Variants in TAFA1 observed in about 807,000 individuals in gnomAD.
TAFA1 encodes the protein TAFA chemokine like family member 1.
TAFA1 carries 4 observed loss-of-function variants against 18.5 expected under a neutral mutation model. The ratio of observed to expected loss-of-function variants is 0.22; its 90% CI spans 0.11 to 0.49. The LOEUF is 0.49. Ranked by LOEUF, TAFA1 falls within the 20% of genes least tolerant of loss-of-function variation. TAFA1 has a pLI of 0.98. For synonymous variants in TAFA1, 56 were observed against 55.2 expected (o/e 1.01, Z -0.06); for missense variants, 147 against 169.0 (o/e 0.87, Z 0.72).
At chr3:68,000,695 G>C (rs1355490032), upstream of TAFA1, among the ~76,000 whole-genome samples, 1 of 152,224 alleles carries the variant, frequency 6.6e-6, no homozygotes, top group Non-Finnish European at 1.5e-5. Flanking sequence ...GGGAGACACA[G>C]GTGGGAGGTA....
intron 2 of TAFA1, among the ~76,000 whole-genome samples, chr3:68,120,599 G>A (rs750993053): frequency 2.0e-5 from 3 of 152,164 alleles, no homozygotes; most frequent in Non-Finnish European, 4.4e-5. Context: ...GGGTTACAGA[G>A]ATGATACAGC....
chr3:68,109,427 A>C (rs1465738869), intron 2 of TAFA1, among the ~76,000 whole-genome samples: 1 of 152,154 alleles, frequency 6.6e-6, no homozygotes, highest in Non-Finnish European at 1.5e-5. Context: ...TACTTCTTTA[A>C]ATTGGAAAAA....
At chr3:68,009,589 C>G (rs1704430589) in intron 2 of TAFA1, among the ~76,000 whole-genome samples, 1 of 152,078 alleles carries the variant, frequency 6.6e-6, no homozygotes, top group African/African-American at 2.4e-5. Flanking sequence ...ATATCCCTTC[C>G]TAGATGCAGA....
At chr3:68,525,088 A>T (rs2073088328) in intron 3 of TAFA1, among the ~76,000 whole-genome samples, 1 of 152,216 alleles carries the variant, frequency 6.6e-6, no homozygotes. Flanking sequence ...AAGGCAGTAG[A>T]ACTAAGATGT....
intron 2 of TAFA1, among the ~76,000 whole-genome samples, chr3:68,118,678 C>G (rs141787073): frequency 6.6e-6 from 1 of 152,308 alleles, no homozygotes; most frequent in Non-Finnish European, 1.5e-5. Flanking sequence ...ACTCAAGATT[C>G]ATCCATGTTG....
chr3:68,329,845 C>T (rs779906543), intron 2 of TAFA1, among the ~76,000 whole-genome samples: 2 of 152,080 alleles, frequency 1.3e-5, no homozygotes, highest in African/African-American at 4.8e-5. Flanking sequence ...GGTTTTCATA[C>T]CTTATTAATT....
At chr3:68,007,299 A>C (rs1445900911) in intron 2 of TAFA1, among the ~76,000 whole-genome samples, 2 of 152,000 alleles carry the variant, frequency 1.3e-5, no homozygotes, top group African/African-American at 2.4e-5. Context: ...AGTTTCAGGG[A>C]CGAAGTCCCT....
At chr3:68,063,133 T>A (rs972941084) in intron 2 of TAFA1, among the ~76,000 whole-genome samples, 1 of 152,220 alleles carries the variant, frequency 6.6e-6, no homozygotes, top group Non-Finnish European at 1.5e-5. Flanking sequence ...GTTCGAAATC[T>A]GGGTTTTTAT....
intron 2 of TAFA1, among the ~76,000 whole-genome samples, chr3:68,221,332 G>A (rs1025589107): frequency 9.9e-5 from 15 of 152,112 alleles, no homozygotes; most frequent in African/African-American, 3.6e-4. Context: ...CTAAAAAGGG[G>A]GGGATGGGTT....
intron 3 of TAFA1, among the ~76,000 whole-genome samples, chr3:68,502,344 C>T (rs191682184): frequency 6.6e-5 from 10 of 151,916 alleles, no homozygotes; most frequent in African/African-American, 2.4e-4. Context: ...TGCTTTAGAA[C>T]ACACAGAAAA....
intron 3 of TAFA1, among the ~76,000 whole-genome samples, chr3:68,510,626 A>G (rs968125213): frequency 6.6e-6 from 1 of 152,136 alleles, no homozygotes; most frequent in Non-Finnish European, 1.5e-5. Context: ...GTTATATTGC[A>G]TCTAAAACTT....
At chr3:68,505,177 CTG>C (rs1269117518) in intron 3 of TAFA1, among the ~76,000 whole-genome samples, 1 of 152,126 alleles carries the variant, frequency 6.6e-6, no homozygotes, top group Non-Finnish European at 1.5e-5. Flanking sequence ...TAATAAGTAA[CTG>C]TGGAGAGAGA....
At chr3:68,022,841 ATTAT>A (rs1265253147) in intron 2 of TAFA1, among the ~76,000 whole-genome samples, 1 of 16,154 alleles carries the variant, frequency 6.2e-5, no homozygotes, top group African/African-American at 1.8e-4. Context: ...ATATATATAT[ATTAT>A]ATATATATAT....
intron 2 of TAFA1, among the ~76,000 whole-genome samples, chr3:68,363,977 A>G (rs777019247): frequency 6.6e-5 from 10 of 152,134 alleles, no homozygotes; most frequent in Admixed American, 3.9e-4. Context: ...TTTCCAGCTG[A>G]TGGATTTGGT....
chr3:68,463,129 A>G (rs1430611423), intron 3 of TAFA1, among the ~76,000 whole-genome samples: 1 of 152,180 alleles, frequency 6.6e-6, no homozygotes, highest in African/African-American at 2.4e-5. Flanking sequence ...AGGGCATCAT[A>G]GAGTTTTCTA....
intron 2 of TAFA1, among the ~76,000 whole-genome samples, chr3:68,347,971 A>G (rs1335832518): frequency 6.6e-6 from 1 of 152,162 alleles, no homozygotes; most frequent in Non-Finnish European, 1.5e-5. Flanking sequence ...CATTACTGAA[A>G]GGCAACCAAA....
At chr3:68,351,092 G>A (rs1034455495) in intron 2 of TAFA1, among the ~76,000 whole-genome samples, 13 of 152,006 alleles carry the variant, frequency 8.6e-5, no homozygotes, top group South Asian at 4.1e-4. Context: ...TGATGTCCAG[G>A]CCATGCTCCA....
intron 2 of TAFA1, among the ~76,000 whole-genome samples, chr3:68,370,507 T>TAC (rs2069683130): frequency 9.1e-6 from 1 of 109,310 alleles, no homozygotes. Context: ...TATATATATA[T>TAC]ATATATATAC....
At chr3:68,152,234 T>A (rs1479475492) in intron 2 of TAFA1, among the ~76,000 whole-genome samples, 1 of 152,180 alleles carries the variant, frequency 6.6e-6, no homozygotes, top group Non-Finnish European at 1.5e-5. Context: ...TCACCTAGGC[T>A]GTTTGTTGAG....
Sources: allele counts gnomAD v4.1 joint callset (sites outside exome capture counted in the v4.1 genomes callset), GRCh38; gene constraint gnomAD v4.1.1; transcripts MANE v1.5; gene names NCBI Gene and HGNC (gene_info 2026-07-23, HGNC 2026-07-21).